The following MARCHF5 variants were observed in gnomAD, a reference collection of about 807,000 sequenced individuals.
The protein encoded by MARCHF5 is E3 ubiquitin-protein ligase MARCHF5.
A neutral mutation model predicts 36.5 loss-of-function variants in MARCHF5; 5 were observed. The observed-to-expected ratio is 0.14, with a 90% CI of 0.07 to 0.29. The LOEUF (loss-of-function observed/expected upper bound fraction) is 0.29. MARCHF5 is among the 10% of genes least tolerant of loss of function. The probability of loss-of-function intolerance (pLI) is 1.00; values close to 1 mark genes in which losing one functional copy is unlikely to be tolerated. For missense variants in MARCHF5, 179 were observed against 336.3 expected (o/e 0.53, Z 3.66); for synonymous variants, 103 against 109.9 (o/e 0.94, Z 0.39).
At chr10:92,323,486 C>T (rs998442506) in intron 2 of MARCHF5, among the ~76,000 whole-genome samples, 30 of 152,234 alleles carry the variant, frequency 2.0e-4, no homozygotes, top group South Asian at 6.2e-4. Flanking sequence ...AGGGTTTTGA[C>T]AACTGTATAA....
At chr10:92,334,328 T>C (rs1843477285) in intron 2 of MARCHF5, 1 of 152,232 alleles carries the variant, frequency 6.6e-6, no homozygotes, top group Non-Finnish European at 1.5e-5. Context: ...TTATAAATTA[T>C]TGGCCACTTA....
At chr10:92,325,169 C>CAA (rs1039680199) in intron 2 of MARCHF5, among the ~76,000 whole-genome samples, 1 of 149,466 alleles carries the variant, frequency 6.7e-6, no homozygotes, top group African/African-American at 2.5e-5. Flanking sequence ...CCTGTCTCTA[C>CAA]AAAAAAAAAG....
intron 2 of MARCHF5, among the ~76,000 whole-genome samples, chr10:92,320,230 T>C (rs11492706): frequency 6.8e-6 from 1 of 145,988 alleles, no homozygotes; most frequent in African/African-American, 2.6e-5. Context: ...ATTTTTTTTT[T>C]ATTTTTTGTA....
At chr10:92,305,390 G>T (rs1266525620) in intron 1 of MARCHF5, among the ~76,000 whole-genome samples, 1 of 150,948 alleles carries the variant, frequency 6.6e-6, no homozygotes, top group Non-Finnish European at 1.5e-5. Context: ...CTGGACAACA[G>T]AGCGAGACTC....
intron 1 of MARCHF5, among the ~76,000 whole-genome samples, chr10:92,296,599 C>A (rs1360250396): frequency 1.3e-5 from 2 of 152,170 alleles, no homozygotes; most frequent in African/African-American, 4.8e-5. Context: ...CTGAGAAATG[C>A]TTTTGGAAAC....
rs1842988889 is a variant in MARCHF5 at position 92,299,589 on chromosome 10, AACCTTGTTGC to A, written c.35+8062_35+8071del. On this transcript the variant is annotated intron_variant, in intron 1 of 5. Coordinates refer to ENST00000358935, the MANE Select transcript of MARCHF5 (RefSeq NM_017824.5). ...ATAACTCCTTTCTGTGTTTCAATAG[AACCTTGTTGC>A]ATTTATTATAGTGTATCACATTGTA... 4.6e-5 allele frequency among the ~76,000 whole-genome samples: 7 copies of A among 152,166 alleles called. 1 individual carries two copies. Among genetic ancestry groups the A allele is most frequent in the Admixed American group, 4.6e-4 (7 of 15,264 alleles).
At chr10:92,338,470 G>C (rs544137966) in intron 2 of MARCHF5, among the ~76,000 whole-genome samples, 10 of 152,274 alleles carry the variant, frequency 6.6e-5, no homozygotes, top group African/African-American at 2.4e-4. Flanking sequence ...ATTTATTAGA[G>C]GATATAGAGT....
intron 1 of MARCHF5, among the ~76,000 whole-genome samples, chr10:92,303,086 T>C (rs1843034640): frequency 6.6e-6 from 1 of 152,238 alleles, no homozygotes; most frequent in Non-Finnish European, 1.5e-5. Flanking sequence ...TAAGTTACTG[T>C]ACCTATCTTG....
chr10:92,297,235 C>T lies in MARCHF5; in HGVS notation c.35+5706C>T, dbSNP rs76465045. On this transcript the variant is annotated intron_variant, in intron 1 of 5. Transcript: ENST00000358935. Reference sequence around the variant, plus strand: ...AGGCTGGAGTGGAGGGTCACAGTCACGGCTCACTACAGCCTCAACCTCCCA... The same window carrying T: ...AGGCTGGAGTGGAGGGTCACAGTCATGGCTCACTACAGCCTCAACCTCCCA... 5.5e-3 allele frequency among the ~76,000 whole-genome samples: 825 copies of T among 150,366 alleles called. 9 individuals carry two copies. The highest frequency in any genetic ancestry group is 0.019 in the African/African-American group (785 of 40,890).
chr10:92,314,148 G>T (rs1443397855), intron 2 of MARCHF5, among the ~76,000 whole-genome samples: 1 of 152,138 alleles, frequency 6.6e-6, no homozygotes, highest in African/African-American at 2.4e-5. Flanking sequence ...GGAGTTTGGG[G>T]CTGCATTGAG....
At chr10:92,293,225 C>T (rs1338667850) in intron 1 of MARCHF5, among the ~76,000 whole-genome samples, 1 of 152,064 alleles carries the variant, frequency 6.6e-6, no homozygotes, top group Non-Finnish European at 1.5e-5. Flanking sequence ...CCTACCTCAG[C>T]CTCCCTAGTA....
At chr10:92,325,318 G>T (rs1843343193) in intron 2 of MARCHF5, among the ~76,000 whole-genome samples, 3 of 152,170 alleles carry the variant, frequency 2.0e-5, no homozygotes, top group Admixed American at 2.0e-4. Flanking sequence ...ACTCCAGCCT[G>T]GGCAACAGAG....
At chr10:92,317,666 T>C (rs1433004252) in intron 2 of MARCHF5, among the ~76,000 whole-genome samples, 2 of 152,208 alleles carry the variant, frequency 1.3e-5, no homozygotes, top group African/African-American at 4.8e-5. Context: ...TGGATACTTC[T>C]TGATGGATTC....
chr10:92,331,953 A>G (rs189784658), intron 2 of MARCHF5, among the ~76,000 whole-genome samples: 8 of 143,990 alleles, frequency 5.6e-5, no homozygotes, highest in Admixed American at 2.1e-4. Flanking sequence ...ATATATATGT[A>G]TATATATAAT....
chr10:92,314,818 C>G lies in MARCHF5; in HGVS notation c.238+3481C>G, dbSNP rs548526928. Among the ~76,000 whole-genome samples, 238 of 146,390 alleles carry G rather than the reference C, an allele frequency of 1.6e-3. 2 individuals carry two copies. The highest frequency in any genetic ancestry group is 2.8e-3 in the Non-Finnish European group (191 of 67,804). On this transcript the variant is annotated intron_variant, in intron 2 of 5. Transcript: ENST00000358935. Reference sequence around the variant, plus strand: ...CTTGTCTCAAACTCCTGGGCTCAAGCAATCCACCTACCTTGGCCTCCCAAA... The same window carrying G: ...CTTGTCTCAAACTCCTGGGCTCAAGGAATCCACCTACCTTGGCCTCCCAAA...
rs574791070 is a variant in MARCHF5 at position 92,341,407 on chromosome 10, A to C, written c.369+604A>C. ...GACAGAGCGAGACTCCATCTCAAAA[A>C]AAACAGTGCTACATAGAACTTGGAT... On this transcript the variant is annotated intron_variant, in intron 3 of 5. Transcript: ENST00000358935. Among the ~76,000 whole-genome samples the C allele has an allele frequency of 3.3e-5, 5 of 152,300 alleles. No homozygotes were observed. In the South Asian group the frequency reaches 1.0e-3, roughly 32 times the overall value.
chr10:92,291,450 G>C lies in MARCHF5; in HGVS notation c.-45G>C, dbSNP rs2135165647. 6.7e-7 allele frequency: 1 copy of C among 1,500,188 alleles called. No individual in the cohort carries two copies. Among genetic ancestry groups the C allele is most frequent in the African/African-American group, 1.4e-5 (1 of 71,998 alleles). 92.9% of individuals were successfully genotyped at this position (1,500,188 alleles called of 1,614,324 possible). On this transcript the variant is annotated 5_prime_UTR_variant, in exon 1 of 6. Coordinates refer to ENST00000358935, the MANE Select transcript of MARCHF5 (RefSeq NM_017824.5). ...TGCTATTGTCCCTGGGCCTGGCCTT[G>C]AGCGGGTCCACTGGGGAAGGCCGTG...
intron 1 of MARCHF5, among the ~76,000 whole-genome samples, chr10:92,297,338 T>TTG (rs1377466023): frequency 8.6e-5 from 13 of 151,834 alleles, no homozygotes; most frequent in Admixed American, 7.2e-4. Flanking sequence ...AGCTGATTTT[T>TTG]TGTATTTTTT....
At chr10:92,324,847 A>ACC (rs1843335709) in intron 2 of MARCHF5, among the ~76,000 whole-genome samples, 1 of 151,850 alleles carries the variant, frequency 6.6e-6, no homozygotes, top group African/African-American at 2.4e-5. Context: ...GTGATCAGAG[A>ACC]GCATACTCTG....
Sources: allele counts gnomAD v4.1 joint callset (sites outside exome capture counted in the v4.1 genomes callset), GRCh38; gene constraint gnomAD v4.1.1; transcripts MANE v1.5; gene names NCBI Gene and HGNC (gene_info 2026-07-23, HGNC 2026-07-21).